The following C2CD4C variants were observed in gnomAD, a reference collection of about 807,000 sequenced individuals.
C2CD4C encodes the protein C2 calcium-dependent domain-containing protein 4C.
In C2CD4C, 3 loss-of-function variants were observed where a neutral mutation model predicts 4.1. That is an observed-to-expected ratio of 0.73 (90% CI 0.33 to 1.88). The LOEUF (loss-of-function observed/expected upper bound fraction) is 1.88, where lower values mean the gene tolerates loss of function less well. C2CD4C is among the 40% of genes most tolerant of loss of function. The pLI is 0.08. For missense variants in C2CD4C, 664 were observed against 621.5 expected (o/e 1.07, Z -0.73); for synonymous variants, 364 against 290.4 (o/e 1.25, Z -2.57).
rs757229610 is a variant in C2CD4C, at chr19:407,230, C to T, written c.1132G>A (p.Asp378Asn). 6.5e-6 allele frequency: 10 copies of T among 1,550,254 alleles called. No homozygotes were observed. The highest frequency in any genetic ancestry group is 2.7e-5 in the African/African-American group (2 of 73,168). ...RPVFNEDFFF[D>N]GLGPASVRKL... is the part of the protein sequence containing the mutation. The stretch of plus-strand genomic sequence containing the variant: ...CGGACGCTGGCGGGCCCCAGGCCGT[C>T]GAAGAAGAAATCCTCGTTGAAGACG... Residue 378 changes from aspartate to asparagine, a missense_variant, in exon 2 of 2, where the codon GAC becomes AAC. Asp to Asn is a conservative substitution (Grantham distance 23, BLOSUM62 1). Coordinates refer to ENST00000332235, the MANE Select transcript of C2CD4C (RefSeq NM_001136263.2).
rs1205564152 is a variant in C2CD4C, at chr19:405,571, A to C, written c.*1525T>G. On this transcript the variant is annotated 3_prime_UTR_variant, in exon 2 of 2. Transcript: ENST00000332235. ...ATCAAAGAGTGCAGGGGGGCTACTA[A>C]ACGGGGGACCCCAGGGAGAACAGGG... is the stretch of plus-strand genomic sequence containing the variant. 13 of 152,132 alleles carry C rather than the reference A, an allele frequency of 8.5e-5. No homozygotes were observed. The highest frequency in any genetic ancestry group is 1.6e-4 in the Non-Finnish European group (11 of 68,034). The allele number at this position is 152,132 out of a possible 1,614,324, so 9.4% of individuals were successfully genotyped here.
In C2CD4C at chr19:407,210, G is replaced by A. The variant is rs922173245; in HGVS notation, c.1152C>T (p.Ser384=). 8 of 1,550,260 alleles carry A rather than the reference G, an allele frequency of 5.2e-6. No homozygotes were observed. Among genetic ancestry groups the A allele is most frequent in the Non-Finnish European group, 7.0e-6 (8 of 1,146,882 alleles). ...DFFFDGLGPA[S]VRKLALRIKV... The stretch of plus-strand genomic sequence containing the variant: ...TGATCCTGAGGGCCAGTTTCCGGAC[G>A]CTGGCGGGCCCCAGGCCGTCGAAGA... Residue 384 remains serine, a synonymous_variant, in exon 2 of 2, where the codon AGC becomes AGT. Coordinates refer to ENST00000332235, the MANE Select transcript of C2CD4C (RefSeq NM_001136263.2).
Position 406,940 on chromosome 19 carries a change from G to T in C2CD4C, c.*156C>A. The T allele has an allele frequency of 1.8e-6, 1 of 554,642 alleles. No homozygotes were observed. The highest frequency in any genetic ancestry group is 3.1e-6 in the Non-Finnish European group (1 of 324,800). The allele number at this position is 554,642 out of a possible 1,614,324, so 34.4% of individuals were successfully genotyped here. A position where few individuals can be genotyped will look rare whatever the true frequency, so the allele number is the denominator to read the frequency against. On this transcript the variant is annotated 3_prime_UTR_variant, in exon 2 of 2. Transcript: ENST00000332235. ...CATCGGGTGACCCAGGAAACCCTGC[G>T]TCAGCTACAGCATCAGCGCCCAGCC...
rs1568274666 is a variant in C2CD4C at position 408,150 on chromosome 19, G to A, written c.212C>T (p.Pro71Leu). The change falls in exon 2 of 2, where the codon CCC (proline) becomes CTC (leucine). Residue 71 changes from proline to leucine, a missense_variant. Coordinates refer to ENST00000332235, the MANE Select transcript of C2CD4C (RefSeq NM_001136263.2). ...AEGEGQAALG[P>L]STSEQNLASA... Reference sequence around the variant, plus strand: ...GGCCAGGTTCTGTTCCGACGTGGAGGGGCCCAGCGCGGCCTGTCCCTCGCC... The same window carrying A: ...GGCCAGGTTCTGTTCCGACGTGGAGAGGCCCAGCGCGGCCTGTCCCTCGCC... The A allele has an allele frequency of 6.9e-7, 1 of 1,454,348 alleles. No homozygotes were observed. The highest frequency in any genetic ancestry group is 2.8e-5 in the Admixed American group (1 of 35,456). The allele number at this position is 1,454,348 out of a possible 1,614,324, so 90.1% of individuals were successfully genotyped here.
At position 408,200 on chromosome 19, in the gene C2CD4C, G is replaced by T. The variant is rs7252178; in HGVS notation, c.162C>A (p.Pro54=). 2 of 1,459,466 alleles carry T rather than the reference G, an allele frequency of 1.4e-6. No individual in the cohort carries two copies. The allele number at this position is 1,459,466 out of a possible 1,614,324, so 90.4% of individuals were successfully genotyped here. Residue 54 remains proline, a synonymous_variant, in exon 2 of 2, where the codon CCC becomes CCA. Coordinates refer to ENST00000332235, the MANE Select transcript of C2CD4C (RefSeq NM_001136263.2). ...PDKIPDFFIP[P]KLPSGPAEGE... ...CCTCCGCGGGGCCCGAGGGCAGCTT[G>T]GGGGGGATGAAAAAGTCGGGGATCT...
rs1040493899 is a variant in C2CD4C, at chr19:407,852, G to A, written c.510C>T (p.His170=). 6.5e-6 allele frequency: 10 copies of A among 1,548,224 alleles called. No homozygotes were observed. The highest frequency in any genetic ancestry group is 4.4e-6 in the Non-Finnish European group (5 of 1,146,054). ...RRKESLFHSE[H]GALAQVGSPG... is the part of the protein sequence containing the mutation. ...GGGAGCCCACCTGGGCCAGAGCCCC[G>A]TGCTCACTGTGGAACAGAGACTCCT... Residue 170 remains histidine, a synonymous_variant, in exon 2 of 2, where the codon CAC becomes CAT. Coordinates refer to ENST00000332235, the MANE Select transcript of C2CD4C (RefSeq NM_001136263.2).
rs1266926985 is a variant in C2CD4C, at chr19:407,100, A to G, written c.1262T>C (p.Leu421Pro). 6.5e-7 allele frequency: 1 copy of G among 1,547,360 alleles called. No individual in the cohort carries two copies. The highest frequency in any genetic ancestry group is 1.2e-5 in the South Asian group (1 of 83,884). Residue 421 changes from leucine (L) to proline (P), a missense_variant, in exon 2 of 2, where the codon CTG becomes CCG. Transcript: ENST00000332235. ...GACAGCGAGCAGGTCCCCGCTCTACAGGAAGGGGAGCAGGGAGGTCAGGGG... is the reference window on the plus strand; with the variant it reads ...GACAGCGAGCAGGTCCCCGCTCTACGGGAAGGGGAGCAGGGAGGTCAGGGG... ...ELPLTSLLPF[L>P] is the part of the protein sequence containing the mutation.
Position 407,486 on chromosome 19 carries a change from C to G in C2CD4C, c.876G>C (p.Ser292=). Residue 292 remains serine, a synonymous_variant, in exon 2 of 2, where the codon TCG becomes TCC. Coordinates refer to ENST00000332235, the MANE Select transcript of C2CD4C (RefSeq NM_001136263.2). The part of the protein sequence containing the change: ...RRAPPEPGPE[S]GQARGEHTVH... ...CCGTGTGCTCCCCACGCGCCTGGCC[C>G]GACTCGGGGCCAGGTTCCGGGGGTG... The G allele has an allele frequency of 2.2e-6, 3 of 1,380,992 alleles. No homozygotes were observed. The highest frequency in any genetic ancestry group is 1.9e-6 in the Non-Finnish European group (2 of 1,071,936). 85.5% of individuals were successfully genotyped at this position (1,380,992 alleles called of 1,614,324 possible). A position where few individuals can be genotyped will look rare whatever the true frequency, so the allele number is the denominator to read the frequency against.
chr19:408,182 G>T lies in C2CD4C; in HGVS notation c.180C>A (p.Pro60=). 6.9e-7 allele frequency: 1 copy of T among 1,450,906 alleles called. No individual in the cohort carries two copies. The highest frequency in any genetic ancestry group is 1.5e-5 in the South Asian group (1 of 68,308). 89.9% of individuals were successfully genotyped at this position (1,450,906 alleles called of 1,614,324 possible). A position where few individuals can be genotyped will look rare whatever the true frequency, so the allele number is the denominator to read the frequency against. ...FFIPPKLPSG[P]AEGEGQAALG... ...GCGCGGCCTGTCCCTCGCCCTCCGC[G>T]GGGCCCGAGGGCAGCTTGGGGGGGA... The change falls in exon 2 of 2, where the codon CCC becomes CCA. Residue 60 remains proline (P), a synonymous_variant. Coordinates refer to ENST00000332235, the MANE Select transcript of C2CD4C (RefSeq NM_001136263.2).
Position 407,756 on chromosome 19 carries a change from C to T in C2CD4C, c.606G>A (p.Gly202=), listed in dbSNP as rs1264501059. 6.6e-7 allele frequency: 1 copy of T among 1,516,996 alleles called. No individual in the cohort carries two copies. The highest frequency in any genetic ancestry group is 1.4e-5 in the African/African-American group (1 of 71,442). The allele number at this position is 1,516,996 out of a possible 1,614,324, so 94.0% of individuals were successfully genotyped here. A position where few individuals can be genotyped will look rare whatever the true frequency, so the allele number is the denominator to read the frequency against. The change falls in exon 2 of 2, where the codon GGG becomes GGA. Residue 202 remains glycine (G), a synonymous_variant. Transcript: ENST00000332235. ...GGDGGPREAG[G]ALMSPGRYFS... ...AGTAGCGGCCGGGGCTCATGAGGGC[C>T]CCGCCAGCCTCCCTGGGGCCCCCAT... is the stretch of plus-strand genomic sequence containing the variant.
chr19:408,483 G>C (rs1488817191), intron 1 of C2CD4C, 82 bp from the exon 2 acceptor site: 6 of 889,450 alleles, frequency 6.7e-6, no homozygotes, highest in Admixed American at 3.6e-5. Context: ...GGGGCCTCCC[G>C]GCAGGGCCCT....
At position 408,230 on chromosome 19, in the gene C2CD4C, G is replaced by A. The variant is rs1003097979; in HGVS notation, c.132C>T (p.Pro44=). The A allele has an allele frequency of 8.9e-6, 13 of 1,467,158 alleles. No homozygotes were observed. Among genetic ancestry groups the A allele is most frequent in the Non-Finnish European group, 5.4e-6 (6 of 1,110,516 alleles). The allele number at this position is 1,467,158 out of a possible 1,614,324, so 90.9% of individuals were successfully genotyped here. A position where few individuals can be genotyped will look rare whatever the true frequency, so the allele number is the denominator to read the frequency against. Residue 44 remains proline, a synonymous_variant, in exon 2 of 2, where the codon CCC becomes CCT. Transcript: ENST00000332235. ...KGPLYSNVLT[P]DKIPDFFIPP... ...GGATGAAAAAGTCGGGGATCTTGTCGGGCGTCAACACATTGCTGTACAGGG... is the reference window on the plus strand; with the variant it reads ...GGATGAAAAAGTCGGGGATCTTGTCAGGCGTCAACACATTGCTGTACAGGG...
chr19:408,645 C>T (rs79050649), intron 1 of C2CD4C, among the ~76,000 whole-genome samples: 15,443 of 152,260 alleles, frequency 0.1, 1,710 homozygotes, highest in African/African-American at 0.27. Context: ...GGGCCGCGCT[C>T]TGACTCTCCG....
In C2CD4C at chr19:407,691, G is replaced by T; in HGVS notation, c.671C>A (p.Ser224Tyr). ...CAGCAGAGGGGACCCGAAGGGGGAGGACTCGGCCGAGGACCCTGTGTCGCT... is the reference window on the plus strand; with the variant it reads ...CAGCAGAGGGGACCCGAAGGGGGAGTACTCGGCCGAGGACCCTGTGTCGCT... ...GESDTGSSAE[S>Y]SPFGSPLLSR... Residue 224 changes from serine (S) to tyrosine (Y), a missense_variant, in exon 2 of 2, where the codon TCC becomes TAC. By Grantham distance (144) the Ser-to-Tyr change is moderately radical. Coordinates refer to ENST00000332235, the MANE Select transcript of C2CD4C (RefSeq NM_001136263.2). 1 of 1,534,044 alleles carries T rather than the reference G, an allele frequency of 6.5e-7. No individual in the cohort carries two copies. Among genetic ancestry groups the T allele is most frequent in the Non-Finnish European group, 8.8e-7 (1 of 1,139,040 alleles).
In C2CD4C at chr19:406,918, C is replaced by T. The variant is rs1171860985; in HGVS notation, c.*178G>A. The T allele has an allele frequency of 1.0e-5, 6 of 587,558 alleles. No homozygotes were observed. The highest frequency in any genetic ancestry group is 1.8e-5 in the Non-Finnish European group (6 of 338,806). The allele number at this position is 587,558 out of a possible 1,614,324, so 36.4% of individuals were successfully genotyped here. The stretch of plus-strand genomic sequence containing the variant: ...TGAAAAATAATACTCCAGTCAGCAT[C>T]GGGTGACCCAGGAAACCCTGCGTCA... On this transcript the variant is annotated 3_prime_UTR_variant, in exon 2 of 2. Transcript: ENST00000332235.
rs1974021210 is a variant in C2CD4C, at chr19:407,976, T to G, written c.386A>C (p.Asp129Ala). 1 of 1,548,600 alleles carries G rather than the reference T, an allele frequency of 6.5e-7. No individual in the cohort carries two copies. Among genetic ancestry groups the G allele is most frequent in the Non-Finnish European group, 8.7e-7 (1 of 1,146,352 alleles). Residue 129 changes from aspartate (D) to alanine (A), a missense_variant, in exon 2 of 2, where the codon GAC becomes GCC. Asp to Ala is a moderately radical substitution (Grantham distance 126, BLOSUM62 -2). Transcript: ENST00000332235. ...GGACATGGCACCCTGGGCCTGGGGG[T>G]CGGCGTCAGTGGCCTCCTCGGACAG... Reference protein sequence around the residue: ...DWLSEEATDADPQAQGAMSLP... With the variant: ...DWLSEEATDAAPQAQGAMSLP...
intron 1 of C2CD4C, among the ~76,000 whole-genome samples, chr19:408,693 C>T (rs569094488): frequency 4.6e-5 from 7 of 152,228 alleles, no homozygotes; most frequent in Middle Eastern, 3.2e-3. Flanking sequence ...CGCCCGCCCC[C>T]ACTCTGGTTT....
Position 408,331 on chromosome 19 carries a change from G to A in C2CD4C, c.31C>T (p.Arg11Trp). Residue 11 changes from arginine to tryptophan, a missense_variant, in exon 2 of 2, where the codon CGG becomes TGG. Transcript: ENST00000332235. MRKTNMWFLE[R>W]LRGSGENGAA... is the part of the protein sequence containing the mutation. ...CCGTTTTCCCCAGACCCCCGAAGCC[G>A]CTCCAAGAACCACATGTTGGTTTTT... 3.9e-6 allele frequency: 6 copies of A among 1,547,830 alleles called. No homozygotes were observed. Among genetic ancestry groups the A allele is most frequent in the Non-Finnish European group, 5.2e-6 (6 of 1,145,836 alleles).
Position 406,714 on chromosome 19 carries a change from C to A in C2CD4C, c.*382G>T. On this transcript the variant is annotated 3_prime_UTR_variant, in exon 2 of 2. Transcript: ENST00000332235. ...TGTCACCTCCCTGTCCACGGCCCCG[C>A]CCTGGCCACATGCACGGATTCCTGA... 1 of 199,620 alleles carries A rather than the reference C, an allele frequency of 5.0e-6. No homozygotes were observed. 12.4% of individuals were successfully genotyped at this position (199,620 alleles called of 1,614,324 possible).
Sources: allele counts gnomAD v4.1 joint callset (sites outside exome capture counted in the v4.1 genomes callset), GRCh38; gene constraint gnomAD v4.1.1; transcripts MANE v1.5; gene names NCBI Gene and HGNC (gene_info 2026-07-23, HGNC 2026-07-21).